Variants in DCAF11 observed in about 807,000 individuals in gnomAD.
The protein encoded by DCAF11 is DDB1 and CUL4 associated factor 11.
A neutral mutation model predicts 76.1 loss-of-function variants in DCAF11; 44 were observed. The observed-to-expected ratio is 0.58, with a 90% CI of 0.45 to 0.74. DCAF11 has a LOEUF of 0.74. DCAF11 is among the 30% of genes least tolerant of loss of function. DCAF11 has a pLI of 0.00. For synonymous variants in DCAF11, 258 were observed against 255.0 expected, an observed-to-expected ratio of 1.01 and a Z score of -0.11; for missense variants, 604 against 709.4, an observed-to-expected ratio of 0.85 and a Z score of 1.69.
At chr14:24,121,586 C>T (rs375808949) in intron 13 of DCAF11, 69 bp downstream of exon 13, 19 of 1,546,376 alleles carry the variant, frequency 1.2e-5, no homozygotes, top group African/African-American at 2.7e-5. Context: ...CCACCTATAA[C>T]GACTAGTGAC....
In DCAF11 at chr14:24,123,317, C is replaced by T. The variant is rs753115480; in HGVS notation, c.*8C>T. The T allele has an allele frequency of 1.4e-5, 22 of 1,521,126 alleles. No individual in the cohort carries two copies. The South Asian group carries it at 2.6e-4, about 18-fold the overall frequency. 94.2% of individuals were successfully genotyped at this position (1,521,126 alleles called of 1,614,324 possible). On this transcript the variant is annotated 3_prime_UTR_variant, in exon 15 of 15. Transcript: ENST00000446197. ...TTTTCCTCACCCCAGTAGATCCAAC[C>T]TCCAGCCCCATATAGGGTGAACCTC... is the stretch of plus-strand genomic sequence containing the variant.
chr14:24,115,900 A>G (rs780290885), intron 2 of DCAF11, 151 bp downstream of exon 2: 17 of 994,654 alleles, frequency 1.7e-5, no homozygotes, highest in African/African-American at 3.3e-5. Context: ...CTGGGCACCC[A>G]TGGCACTCAG....
At position 24,115,563 on chromosome 14, in the gene DCAF11, C is replaced by T. The variant is rs1231688040; in HGVS notation, c.-32C>T. 8.2e-6 allele frequency: 13 copies of T among 1,584,044 alleles called. No individual in the cohort carries two copies. The highest frequency in any genetic ancestry group is 8.6e-7 in the Non-Finnish European group (1 of 1,165,332). ...CCAAGGAGGTGACAGGAGGAGCCCC[C>T]GCACAGGACCTAAGAATGCTGTGAC... On this transcript the variant is annotated 5_prime_UTR_variant, in exon 2 of 15. Transcript: ENST00000446197.
In DCAF11 at chr14:24,119,959, G is replaced by C. The variant is rs181234335; in HGVS notation, c.1092+63G>C. ...AGGTTCTAGTTGCCCAGGAGGGCAT[G>C]AAAGCGGACTGGTGTGGGAATTTGA... On this transcript the variant is annotated intron_variant, in intron 11 of 14. Transcript: ENST00000446197. 9.7e-5 allele frequency: 144 copies of C among 1,491,304 alleles called. No individual in the cohort carries two copies. In the East Asian group the frequency reaches 2.3e-3, roughly 24 times the overall value. 92.4% of individuals were successfully genotyped at this position (1,491,304 alleles called of 1,614,324 possible).
rs772994952 is a variant in DCAF11 at position 24,119,746 on chromosome 14, C to T, written c.942C>T (p.Ala314=). The T allele has an allele frequency of 1.2e-6, 2 of 1,614,214 alleles. No individual in the cohort carries two copies. The highest frequency in any genetic ancestry group is 8.5e-7 in the Non-Finnish European group (1 of 1,180,046). Residue 314 remains alanine (A), a synonymous_variant, in exon 11 of 15, where the codon GCC becomes GCT. Transcript: ENST00000446197. ...ESHEDDVNAV[A]FADISSQILF... is the part of the protein sequence containing the mutation. Reference sequence around the variant, plus strand: ...ATGAGGATGATGTGAATGCAGTGGCCTTTGCTGATATAAGCTCCCAAATCC... The same window carrying T: ...ATGAGGATGATGTGAATGCAGTGGCTTTTGCTGATATAAGCTCCCAAATCC...
chr14:24,120,190 G>C lies in DCAF11; in HGVS notation c.1092+294G>C, dbSNP rs935655207. Reference sequence around the variant, plus strand: ...AGGCTGAGGTGGGAGGATCACTTGAGCTCAGGCGTTCCAGACCAGCCTGTG... The same window carrying C: ...AGGCTGAGGTGGGAGGATCACTTGACCTCAGGCGTTCCAGACCAGCCTGTG... On this transcript the variant is annotated intron_variant, in intron 11 of 14. Transcript: ENST00000446197. Among the ~76,000 whole-genome samples, 107 of 151,832 alleles carry C rather than the reference G, an allele frequency of 7.0e-4. 1 individual carries two copies. Among genetic ancestry groups the C allele is most frequent in the South Asian group, 2.9e-3 (14 of 4,812 alleles).
intron 9 of DCAF11, 53 bp from the exon 10 acceptor site, chr14:24,119,506 G>A (rs1480034462): frequency 2.0e-5 from 32 of 1,605,070 alleles, no homozygotes; most frequent in Non-Finnish European, 2.3e-5. Context: ...CATATACCAC[G>A]TTGGTCCTCT....
intron 11 of DCAF11, among the ~76,000 whole-genome samples, chr14:24,120,582 TAAAA>T (rs1163658008): frequency 6.6e-6 from 1 of 151,758 alleles, no homozygotes; most frequent in Admixed American, 6.6e-5. Flanking sequence ...AATTAAAAAT[TAAAA>T]AAAGAAAAAT....
rs763408377 is a variant in DCAF11 at position 24,120,963 on chromosome 14, C to A, written c.1218C>A (p.Asp406Glu). The change falls in exon 12 of 15, where the codon GAC becomes GAA. Residue 406 changes from aspartate to glutamate, a missense_variant. Physicochemically the swap from Asp to Glu is conservative, Grantham distance 45. Coordinates refer to ENST00000446197, the MANE Select transcript of DCAF11 (RefSeq NM_025230.5). ...AGGCTGCCACACAGCAAAACTGGGA[C>A]TATCGGTGGCAGCAAGTGCCCAAAA... ...SRQAATQQNW[D>E]YRWQQVPKKA... 1.2e-6 allele frequency: 2 copies of A among 1,614,044 alleles called. No homozygotes were observed. The highest frequency in any genetic ancestry group is 1.7e-6 in the Non-Finnish European group (2 of 1,180,034).
chr14:24,122,664 C>A (rs1166393368), intron 13 of DCAF11, among the ~76,000 whole-genome samples: 1 of 152,204 alleles, frequency 6.6e-6, no homozygotes, highest in East Asian at 1.9e-4. Flanking sequence ...GCTCATTGTT[C>A]ACTTTTGTGG....
At chr14:24,119,458 T>C in intron 9 of DCAF11, 101 bp from the exon 10 acceptor site, 1 of 1,466,790 alleles carries the variant, frequency 6.8e-7, no homozygotes, top group Non-Finnish European at 9.5e-7. Context: ...GCAAAGGGCT[T>C]GACCCAGAGC....
rs763281894 is a variant in DCAF11, at chr14:24,118,456, G to C, written c.646G>C (p.Asp216His). 1 of 1,614,176 alleles carries C rather than the reference G, an allele frequency of 6.2e-7. No individual in the cohort carries two copies. Among genetic ancestry groups the C allele is most frequent in the South Asian group, 1.1e-5 (1 of 91,080 alleles). Residue 216 changes from aspartate (D) to histidine (H), a missense_variant, in exon 7 of 15, where the codon GAC becomes CAC. Coordinates refer to ENST00000446197, the MANE Select transcript of DCAF11 (RefSeq NM_025230.5). ...TAAATTCAAGAGCATCAAGGCCCGC[G>C]ACGTAGGCTGGAGCGTCTTGGATGT... ...FRKFKSIKAR[D>H]VGWSVLDVAF...
In DCAF11 at chr14:24,117,516, G is replaced by A; in HGVS notation, c.411+123G>A. On this transcript the variant is annotated intron_variant, in intron 4 of 14. Coordinates refer to ENST00000446197, the MANE Select transcript of DCAF11 (RefSeq NM_025230.5). The surrounding 1 kb of genome is among the most constrained non-coding windows in gnomAD (Gnocchi z 4.3). ...AAGCCTCAAGCGCTGGGGCTGGAGAGTTAACCAGCCTCCATCGGAGTTCTG... is the reference window on the plus strand; with the variant it reads ...AAGCCTCAAGCGCTGGGGCTGGAGAATTAACCAGCCTCCATCGGAGTTCTG... 1.3e-6 allele frequency: 2 copies of A among 1,529,896 alleles called. No homozygotes were observed. Among genetic ancestry groups the A allele is most frequent in the Non-Finnish European group, 1.8e-6 (2 of 1,126,158 alleles). 94.8% of individuals were successfully genotyped at this position (1,529,896 alleles called of 1,614,324 possible). A position where few individuals can be genotyped will look rare whatever the true frequency, so the allele number is the denominator to read the frequency against.
chr14:24,117,562 G>A lies in DCAF11; in HGVS notation c.412-106G>A, dbSNP rs1594335210. On this transcript the variant is annotated intron_variant, in intron 4 of 14. Coordinates refer to ENST00000446197, the MANE Select transcript of DCAF11 (RefSeq NM_025230.5). The surrounding 1 kb of genome is among the most constrained non-coding windows in gnomAD (Gnocchi z 4.3). Reference sequence around the variant, plus strand: ...TTCTGTGGGACAGACTATGATGTGTGTGTCCATTTCTATAACAAGAGCAAT... The same window carrying A: ...TTCTGTGGGACAGACTATGATGTGTATGTCCATTTCTATAACAAGAGCAAT... The A allele has an allele frequency of 6.6e-7, 1 of 1,510,316 alleles. No homozygotes were observed. Among genetic ancestry groups the A allele is most frequent in the East Asian group, 2.3e-5 (1 of 43,952 alleles). The allele number at this position is 1,510,316 out of a possible 1,614,324, so 93.6% of individuals were successfully genotyped here.
chr14:24,118,009 C>T, intron 5 of DCAF11, 46 bp from the exon 6 acceptor site: 1 of 1,371,640 alleles, frequency 7.3e-7, no homozygotes, highest in South Asian at 1.2e-5. Flanking sequence ...TGGGACACTC[C>T]TTATCCTGAG....
In DCAF11 at chr14:24,114,836, T is replaced by C; in HGVS notation, c.-671T>C. ...CGAGATGCGTGACGAGCGAAGCGCG[T>C]GACGGAGGAGCGGTTGGCCAACGCA... is the stretch of plus-strand genomic sequence containing the variant. On this transcript the variant is annotated 5_prime_UTR_variant, in exon 1 of 15. An upstream open reading frame in the 5' UTR loses its in-frame stop. Transcript: ENST00000446197. The C allele has an allele frequency of 1.0e-6, 1 of 985,934 alleles. No homozygotes were observed. The highest frequency in any genetic ancestry group is 1.2e-6 in the Non-Finnish European group (1 of 829,950). 61.1% of individuals were successfully genotyped at this position (985,934 alleles called of 1,614,324 possible). A position where few individuals can be genotyped will look rare whatever the true frequency, so the allele number is the denominator to read the frequency against.
rs11549425 is a variant in DCAF11, at chr14:24,123,777, G to C, written c.*468G>C. On this transcript the variant is annotated 3_prime_UTR_variant, in exon 15 of 15. Transcript: ENST00000446197. ...TCTCTAGGGGAGGGGCATGGGTAAG[G>C]GTGTTTCCTCAGCACCCTCCTGGGG... The C allele has an allele frequency of 6.5e-6, 1 of 154,508 alleles. No individual in the cohort carries two copies. Among genetic ancestry groups the C allele is most frequent in the Admixed American group, 6.5e-5 (1 of 15,420 alleles). 9.6% of individuals were successfully genotyped at this position (154,508 alleles called of 1,614,324 possible).
chr14:24,121,742 C>T (rs1480913996), intron 13 of DCAF11: 1 of 492,426 alleles, frequency 2.0e-6, no homozygotes, highest in Admixed American at 3.5e-5. Context: ...AATAGATTGC[C>T]AAAAATATAG....
In DCAF11 at chr14:24,118,439, A is replaced by C. The variant is rs1156704941; in HGVS notation, c.629A>C (p.Lys210Thr). The part of the protein sequence containing the change: ...DCRYGRFRKF[K>T]SIKARDVGWS... Reference sequence around the variant, plus strand: ...CGATATGGCCGTTTCCGTAAATTCAAGAGCATCAAGGCCCGCGACGTAGGC... The same window carrying C: ...CGATATGGCCGTTTCCGTAAATTCACGAGCATCAAGGCCCGCGACGTAGGC... The change falls in exon 7 of 15, where the codon AAG (lysine) becomes ACG (threonine). Residue 210 changes from lysine to threonine, a missense_variant. Lys to Thr is a moderately conservative substitution (Grantham distance 78). Transcript: ENST00000446197. The C allele has an allele frequency of 6.2e-7, 1 of 1,614,244 alleles. No homozygotes were observed. The highest frequency in any genetic ancestry group is 1.7e-5 in the Admixed American group (1 of 60,016).
Sources: gnomAD v4.1 joint callset for allele counts (sites outside exome capture counted in the v4.1 genomes callset) on GRCh38, gnomAD v4.1.1 for gene constraint, Gnocchi (gnomAD v3.1) non-coding constraint, MANE v1.5 for transcripts, NCBI Gene and HGNC (gene_info 2026-07-23, HGNC 2026-07-21) for gene names.